Variants in GRM1 observed in about 807,000 individuals in gnomAD.
GRM1 encodes glutamate metabotropic receptor 1.
Under a neutral mutation model 90.9 loss-of-function variants are expected in GRM1, and 33 were observed. The observed-to-expected ratio is 0.36, with a 90% confidence interval of 0.28 to 0.49. The LOEUF (loss-of-function observed/expected upper bound fraction) is 0.49, where lower values mean the gene tolerates loss of function less well. Ranked by LOEUF, GRM1 falls within the 20% of genes least tolerant of loss-of-function variation. GRM1 has a pLI of 0.99. For missense variants in GRM1, 1,190 were observed against 1,534.3 expected (o/e 0.78, Z 3.75); for synonymous variants, 700 against 613.2 (o/e 1.14, Z -2.09).
chr6:146,332,158 A>G (rs1784608570), intron 3 of GRM1, among the ~76,000 whole-genome samples: 1 of 152,146 alleles, frequency 6.6e-6, no homozygotes, highest in Non-Finnish European at 1.5e-5. Context: ...CATTGTGTGT[A>G]TCTGCCAATG....
chr6:146,307,081 A>T (rs1404483320), intron 3 of GRM1, among the ~76,000 whole-genome samples: 1 of 152,160 alleles, frequency 6.6e-6, no homozygotes, highest in Admixed American at 6.5e-5. Flanking sequence ...ACAAGTTAAA[A>T]CTCTGCAACA....
At chr6:146,133,218 C>A (rs1434556945) in intron 1 of GRM1, among the ~76,000 whole-genome samples, 3 of 152,210 alleles carry the variant, frequency 2.0e-5, no homozygotes, top group Admixed American at 6.5e-5. Flanking sequence ...TCTAGTCCTA[C>A]AACTGACTCA....
At chr6:146,200,865 G>T (rs1476687501) in intron 2 of GRM1, among the ~76,000 whole-genome samples, 1 of 152,150 alleles carries the variant, frequency 6.6e-6, no homozygotes, top group Non-Finnish European at 1.5e-5. Flanking sequence ...TAAAGTTTTG[G>T]TCAGGTTCAT....
Position 146,314,364 on chromosome 6 carries a change from T to C in GRM1, c.1186+9518T>C, listed in dbSNP as rs1386087642. Among the ~76,000 whole-genome samples the C allele has an allele frequency of 4.6e-5, 7 of 152,192 alleles. No individual in the cohort carries two copies. The East Asian group carries it at 1.2e-3, about 25-fold the overall frequency. ...GTGCTGGAACAACACTTAACTCCTATTAATTGAAGAGTAGTGCTCCATTAT... is the reference window on the plus strand; with the variant it reads ...GTGCTGGAACAACACTTAACTCCTACTAATTGAAGAGTAGTGCTCCATTAT... On this transcript the variant is annotated intron_variant, in intron 3 of 7. Coordinates refer to ENST00000282753, the MANE Select transcript of GRM1 (RefSeq NM_001278064.2).
chr6:146,283,884 C>T (rs908212092), intron 2 of GRM1, among the ~76,000 whole-genome samples: 1 of 152,194 alleles, frequency 6.6e-6, no homozygotes, highest in Non-Finnish European at 1.5e-5. Context: ...TCATGTATAA[C>T]TCACGTATGA....
At chr6:146,372,190 A>T (rs1775929093) in intron 5 of GRM1, among the ~76,000 whole-genome samples, 1 of 151,988 alleles carries the variant, frequency 6.6e-6, no homozygotes, top group Non-Finnish European at 1.5e-5. Context: ...TGTAGTTTTG[A>T]TTTGCATTTC....
intron 1 of GRM1, among the ~76,000 whole-genome samples, chr6:146,154,141 C>T (rs1001004052): frequency 3.9e-5 from 6 of 152,274 alleles, no homozygotes; most frequent in Non-Finnish European, 5.9e-5. Flanking sequence ...CATTCTTGTT[C>T]GTTTAACCTG....
At chr6:146,156,112 T>A (rs1246177644) in intron 1 of GRM1, among the ~76,000 whole-genome samples, 2 of 152,124 alleles carry the variant, frequency 1.3e-5, no homozygotes, top group African/African-American at 4.8e-5. Context: ...ACCATGAAAG[T>A]AGGCTTCTAT....
chr6:146,233,650 A>G (rs190286021), intron 2 of GRM1, among the ~76,000 whole-genome samples: 3 of 152,266 alleles, frequency 2.0e-5, no homozygotes, highest in Admixed American at 2.0e-4. Context: ...TATTTTACTC[A>G]TAATCCAAAT....
chr6:146,292,126 C>T (rs750620831), intron 2 of GRM1, among the ~76,000 whole-genome samples: 1 of 151,862 alleles, frequency 6.6e-6, no homozygotes, highest in Non-Finnish European at 1.5e-5. Flanking sequence ...TGGACCCTTC[C>T]CTCACACTAT....
intron 2 of GRM1, among the ~76,000 whole-genome samples, chr6:146,243,981 A>G (rs1562552836): frequency 6.6e-6 from 1 of 152,170 alleles, no homozygotes; most frequent in Non-Finnish European, 1.5e-5. Flanking sequence ...TGCTTTTGAA[A>G]GAAGAGAAAT....
intron 2 of GRM1, among the ~76,000 whole-genome samples, chr6:146,194,992 T>C (rs762607786): frequency 5.3e-5 from 8 of 152,210 alleles, no homozygotes; most frequent in Non-Finnish European, 2.9e-5. Context: ...AGTTACTACA[T>C]GTAAAACACT....
intron 6 of GRM1, among the ~76,000 whole-genome samples, chr6:146,398,399 C>G (rs1333850244): frequency 6.6e-6 from 1 of 152,178 alleles, no homozygotes; most frequent in African/African-American, 2.4e-5. Context: ...TATTCTATCC[C>G]ATTATCACCA....
chr6:146,361,301 C>T (rs1775459627), intron 5 of GRM1, among the ~76,000 whole-genome samples: 1 of 152,144 alleles, frequency 6.6e-6, no homozygotes, highest in South Asian at 2.1e-4. Flanking sequence ...GCAGTCATAA[C>T]AGCAATGTCT....
chr6:146,405,731 G>A (rs1040747494), intron 7 of GRM1, among the ~76,000 whole-genome samples: 1 of 152,012 alleles, frequency 6.6e-6, no homozygotes, highest in Non-Finnish European at 1.5e-5. Context: ...TTTTACATGG[G>A]CACTAATCCC....
chr6:146,304,001 T>C (rs1318720167), intron 2 of GRM1, among the ~76,000 whole-genome samples: 1 of 152,202 alleles, frequency 6.6e-6, no homozygotes, highest in Non-Finnish European at 1.5e-5. Context: ...GAATTCTTTT[T>C]ATAATTTGAG....
intron 2 of GRM1, among the ~76,000 whole-genome samples, chr6:146,291,457 A>T (rs986825923): frequency 5.9e-5 from 9 of 151,398 alleles, no homozygotes; most frequent in East Asian, 5.8e-4. Flanking sequence ...TGTAGTGTGC[A>T]TGTGTGTATG....
intron 1 of GRM1, among the ~76,000 whole-genome samples, chr6:146,035,654 G>A (rs1027170989): frequency 5.9e-5 from 9 of 151,792 alleles, no homozygotes; most frequent in African/African-American, 1.9e-4. Flanking sequence ...CCAAGTTATC[G>A]TGAACATAAA....
At chr6:146,291,822 T>TC (rs1378286946) in intron 2 of GRM1, among the ~76,000 whole-genome samples, 1 of 151,958 alleles carries the variant, frequency 6.6e-6, no homozygotes, top group Non-Finnish European at 1.5e-5. Context: ...GATCCTCAAA[T>TC]CCATATGTAA....
Sources: gnomAD v4.1 joint callset for allele counts (sites outside exome capture counted in the v4.1 genomes callset) on GRCh38, gnomAD v4.1.1 for gene constraint, MANE v1.5 for transcripts, NCBI Gene and HGNC (gene_info 2026-07-23, HGNC 2026-07-21) for gene names.